ELANE: variants seen among roughly 807,000 people sequenced by gnomAD.
ELANE encodes the protein neutrophil elastase.
In ELANE, 12 loss-of-function variants were observed where a neutral mutation model predicts 20.6. The observed-to-expected ratio is 0.58, with a 90% CI of 0.37 to 0.94. The LOEUF is 0.94. ELANE is among the 40% of genes least tolerant of loss of function. The pLI is 0.01. For missense variants in ELANE, 388 were observed against 395.2 expected (o/e 0.98, Z 0.15); for synonymous variants, 203 against 177.4 (o/e 1.14, Z -1.15).
Position 855,625 on chromosome 19 carries a change from G to A in ELANE, c.428G>A (p.Arg143His), listed in dbSNP as rs200993994. The change falls in exon 4 of 5, where the codon CGC becomes CAC. Residue 143 changes from arginine (R) to histidine (H), a missense_variant. This residue lies in a region of ELANE where 321 missense variants were observed against 309.8 expected (regional missense o/e 1.04). Coordinates refer to ENST00000263621, the MANE Select transcript of ELANE (RefSeq NM_001972.4). This position sits in a 1 kb window ranked among gnomAD's most constrained non-coding sequence, Gnocchi z 6.2. ...GTGGCCCAGCTGCCGGCTCAGGGAC[G>A]CCGCCTGGGCAACGGGGTGCAGTGC... ...VQVAQLPAQG[R>H]RLGNGVQCLA... is the part of the protein sequence containing the mutation. 491 of 1,603,798 alleles carry A rather than the reference G, an allele frequency of 3.1e-4. No homozygotes were observed. Among genetic ancestry groups the A allele is most frequent in the Non-Finnish European group, 3.7e-4 (441 of 1,179,820 alleles).
At position 853,010 on chromosome 19, in the gene ELANE, G is replaced by A; in HGVS notation, c.202G>A (p.Ala68Thr). Residue 68 changes from alanine (A) to threonine (T), a missense_variant, in exon 2 of 5, where the codon GCC (alanine) becomes ACC (threonine). Physicochemically the swap from Ala to Thr is moderately conservative, Grantham distance 58. Transcript: ENST00000263621. ...GATTGCGCCCAACTTCGTCATGTCGGCCGCGCACTGCGTGGCGAATGTGTG... is the reference window on the plus strand; with the variant it reads ...GATTGCGCCCAACTTCGTCATGTCGACCGCGCACTGCGTGGCGAATGTGTG... ...TLIAPNFVMSAAHCVANVNVR... is the reference protein window; with the variant it reads ...TLIAPNFVMSTAHCVANVNVR... 1 of 1,569,846 alleles carries A rather than the reference G, an allele frequency of 6.4e-7. No homozygotes were observed. The highest frequency in any genetic ancestry group is 8.6e-7 in the Non-Finnish European group (1 of 1,165,092).
At chr19:854,289 A>G (rs948767529) in intron 3 of ELANE, among the ~76,000 whole-genome samples, 2 of 151,974 alleles carry the variant, frequency 1.3e-5, no homozygotes, top group African/African-American at 2.4e-5. Context: ...TAAAATACAA[A>G]AAAAAAAAAT....
chr19:853,480 G>T, intron 3 of ELANE, 77 bp downstream of exon 3: 1 of 1,507,050 alleles, frequency 6.6e-7, no homozygotes, highest in South Asian at 1.2e-5. Flanking sequence ...ACGGAGGGGC[G>T]CGTCGGGGCC....
Position 855,656 on chromosome 19 carries a change from C to A in ELANE, c.459C>A (p.Ala153=). Residue 153 remains alanine (A), a synonymous_variant, in exon 4 of 5, where the codon GCC becomes GCA. Transcript: ENST00000263621. The surrounding 1 kb of genome is among the most constrained non-coding windows in gnomAD (Gnocchi z 6.2). ...TGGGCAACGGGGTGCAGTGCCTGGC[C>A]ATGGGCTGGGGCCTTCTGGGCAGGA... is the stretch of plus-strand genomic sequence containing the variant. The part of the protein sequence containing the change: ...RRLGNGVQCL[A]MGWGLLGRNR... 1 of 1,607,724 alleles carries A rather than the reference C, an allele frequency of 6.2e-7. No individual in the cohort carries two copies.
At position 855,522 on chromosome 19, in the gene ELANE, T is replaced by A. The variant is rs1422280941; in HGVS notation, c.367-42T>A. 8.2e-6 allele frequency: 13 copies of A among 1,585,446 alleles called. No individual in the cohort carries two copies. The highest frequency in any genetic ancestry group is 8.5e-6 in the Non-Finnish European group (10 of 1,171,340). On this transcript the variant is annotated intron_variant, in intron 3 of 4. Coordinates refer to ENST00000263621, the MANE Select transcript of ELANE (RefSeq NM_001972.4). This position sits in a 1 kb window ranked among gnomAD's most constrained non-coding sequence, Gnocchi z 6.2. ...CCGGAGAGGGGAGGGTCATCATCACTGCCCCGTGTGACGCGCTGACGATCT... is the reference window on the plus strand; with the variant it reads ...CCGGAGAGGGGAGGGTCATCATCACAGCCCCGTGTGACGCGCTGACGATCT...
intron 3 of ELANE, among the ~76,000 whole-genome samples, chr19:853,954 G>A (rs1361445158): frequency 7.7e-6 from 1 of 129,164 alleles, no homozygotes; most frequent in African/African-American, 3.0e-5. Flanking sequence ...TGAGAAGGGA[G>A]GCCCCGATCT....
intron 3 of ELANE, among the ~76,000 whole-genome samples, chr19:854,271 G>A (rs1177287164): frequency 6.6e-6 from 1 of 151,638 alleles, no homozygotes; most frequent in African/African-American, 2.4e-5. Flanking sequence ...GTGAAACCCC[G>A]TCTCTACTAA....
Position 855,883 on chromosome 19 carries a change from T to G in ELANE, c.598-75T>G. The G allele has an allele frequency of 6.2e-7, 1 of 1,606,736 alleles. No homozygotes were observed. The highest frequency in any genetic ancestry group is 8.5e-7 in the Non-Finnish European group (1 of 1,178,270). On this transcript the variant is annotated intron_variant, in intron 4 of 4. Coordinates refer to ENST00000263621, the MANE Select transcript of ELANE (RefSeq NM_001972.4). The surrounding 1 kb of genome is among the most constrained non-coding windows in gnomAD (Gnocchi z 6.2). ...CCGTGGCTAGACCCTAGGAGGGACT[T>G]CCCAACCCTGACAGGCGGCGGGCAG... is the stretch of plus-strand genomic sequence containing the variant.
intron 2 of ELANE, 49 bp downstream of exon 2, chr19:853,081 C>G: frequency 6.9e-7 from 1 of 1,455,838 alleles, no homozygotes; most frequent in Non-Finnish European, 9.1e-7. Context: ...GCGTCCCGGT[C>G]TGTGAGGTGG....
At chr19:853,230 G>T (rs756473168) in intron 2 of ELANE, 32 bp from the exon 3 acceptor site, 7 of 1,559,966 alleles carry the variant, frequency 4.5e-6, no homozygotes, top group Non-Finnish European at 6.1e-6. Context: ...CCCCGGGGCC[G>T]CCCCTGAGCC....
In ELANE at chr19:854,312, G is replaced by A. The variant is rs1455187132; in HGVS notation, c.366+909G>A. On this transcript the variant is annotated intron_variant, in intron 3 of 4. Coordinates refer to ENST00000263621, the MANE Select transcript of ELANE (RefSeq NM_001972.4). The stretch of plus-strand genomic sequence containing the variant: ...AAAAAAAAAAAATTAGCCGAGTGTG[G>A]TTGTGGGTGCCTGTAATGCCAACTA... Among the ~76,000 whole-genome samples, 5 of 152,066 alleles carry A rather than the reference G, an allele frequency of 3.3e-5. No individual in the cohort carries two copies. The East Asian group carries it at 9.7e-4, about 29-fold the overall frequency.
At position 852,920 on chromosome 19, in the gene ELANE, C is replaced by A. The variant is rs1378830851; in HGVS notation, c.112C>A (p.Pro38Thr). 1.3e-6 allele frequency: 2 copies of A among 1,596,592 alleles called. No individual in the cohort carries two copies. The highest frequency in any genetic ancestry group is 1.7e-5 in the Admixed American group (1 of 59,714). The change falls in exon 2 of 5, where the codon CCC (proline) becomes ACC (threonine). Residue 38 changes from proline (P) to threonine (T), a missense_variant. Pro to Thr is a conservative substitution (Grantham distance 38). Transcript: ENST00000263621. ...SEIVGGRRAR[P>T]HAWPFMVSLQ... is the part of the protein sequence containing the mutation. ...GATTGTGGGGGGCCGGCGAGCGCGG[C>A]CCCACGCGTGGCCCTTCATGGTGTC...
Position 855,561 on chromosome 19 carries a change from C to T in ELANE, c.367-3C>T, listed in dbSNP as rs997231196. On this transcript the variant is annotated splice_polypyrimidine_tract_variant and splice_region_variant and intron_variant, in intron 3 of 4. Coordinates refer to ENST00000263621, the MANE Select transcript of ELANE (RefSeq NM_001972.4). The surrounding 1 kb of genome is among the most constrained non-coding windows in gnomAD (Gnocchi z 6.2). ...CGCTGACGATCTGTCCCCACCGCCACAGCTCAACGGGTCGGCCACCATCAA... is the reference window on the plus strand; with the variant it reads ...CGCTGACGATCTGTCCCCACCGCCATAGCTCAACGGGTCGGCCACCATCAA... 2 of 1,598,940 alleles carry T rather than the reference C, an allele frequency of 1.3e-6. No individual in the cohort carries two copies. Among genetic ancestry groups the T allele is most frequent in the Admixed American group, 1.7e-5 (1 of 59,980 alleles).
At position 855,962 on chromosome 19, in the gene ELANE, A is replaced by T; in HGVS notation, c.602A>T (p.Asp201Val). ...CCACCTTGTCTGCCTCCACAGGGGG[A>T]CTCCGGCAGCCCCTTGGTCTGCAAC... ...RGRQAGVCFGDSGSPLVCNGL... is the reference protein window; with the variant it reads ...RGRQAGVCFGVSGSPLVCNGL... Residue 201 changes from aspartate to valine, a missense_variant, in exon 5 of 5, where the codon GAC becomes GTC. Transcript: ENST00000263621. This position sits in a 1 kb window ranked among gnomAD's most constrained non-coding sequence, Gnocchi z 6.2. 3 of 1,613,100 alleles carry T rather than the reference A, an allele frequency of 1.9e-6. No individual in the cohort carries two copies. The highest frequency in any genetic ancestry group is 2.5e-6 in the Non-Finnish European group (3 of 1,180,016).
At chr19:852,652 G>A (rs912266946) in intron 1 of ELANE, among the ~76,000 whole-genome samples, 2 of 151,892 alleles carry the variant, frequency 1.3e-5, no homozygotes, top group Non-Finnish European at 2.9e-5. Context: ...CTGTGCCTTG[G>A]AGGGGCACCG....
Position 853,039 on chromosome 19 carries a change from A to T in ELANE, c.224+7A>T, listed in dbSNP as rs1306152188. ...CGCACTGCGTGGCGAATGTGTGAGTAGCCGGGAGTGTGCGCGCCCGGCTCG... is the reference window on the plus strand; with the variant it reads ...CGCACTGCGTGGCGAATGTGTGAGTTGCCGGGAGTGTGCGCGCCCGGCTCG... On this transcript the variant is annotated splice_region_variant and intron_variant, in intron 2 of 4. Coordinates refer to ENST00000263621, the MANE Select transcript of ELANE (RefSeq NM_001972.4). 1.3e-6 allele frequency: 2 copies of T among 1,552,684 alleles called. No homozygotes were observed. The highest frequency in any genetic ancestry group is 1.2e-5 in the South Asian group (1 of 85,826).
rs535037337 is a variant in ELANE, at chr19:855,100, A to G, written c.367-464A>G. The stretch of plus-strand genomic sequence containing the variant: ...GATCTCCTGACCTTTTGATTGGCCC[A>G]CCTCAGCCTCCCAAAATGCTGGGAT... On this transcript the variant is annotated intron_variant, in intron 3 of 4. Coordinates refer to ENST00000263621, the MANE Select transcript of ELANE (RefSeq NM_001972.4). The surrounding 1 kb of genome is among the most constrained non-coding windows in gnomAD (Gnocchi z 6.2). Among the ~76,000 whole-genome samples the G allele has an allele frequency of 6.6e-6, 1 of 151,872 alleles. No individual in the cohort carries two copies. Among genetic ancestry groups the G allele is most frequent in the South Asian group, 2.1e-4 (1 of 4,806 alleles).
chr19:853,095 G>A, intron 2 of ELANE, 63 bp downstream of exon 2: 2 of 1,516,802 alleles, frequency 1.3e-6, no homozygotes, highest in Admixed American at 2.0e-5. Flanking sequence ...GAGGTGGGTG[G>A]GGGGAGGCCG....
At chr19:853,439 G>T in intron 3 of ELANE, 36 bp downstream of exon 3, 5 of 1,560,856 alleles carry the variant, frequency 3.2e-6, no homozygotes, top group Non-Finnish European at 4.3e-6. Context: ...CAGGGGCGGA[G>T]GCCAGAGGCC....
Sources: gnomAD v4.1 joint callset for allele counts (sites outside exome capture counted in the v4.1 genomes callset) on GRCh38, gnomAD v4.1.1 for gene constraint, gnomAD v4.1.1 regional missense constraint, Gnocchi (gnomAD v3.1) non-coding constraint, MANE v1.5 for transcripts, NCBI Gene and HGNC (gene_info 2026-07-23, HGNC 2026-07-21) for gene names.